OXNAD1: variants seen among roughly 807,000 people sequenced by gnomAD.
The protein encoded by OXNAD1 is oxidoreductase NAD binding domain containing 1.
A neutral mutation model predicts 32.9 loss-of-function variants in OXNAD1; 34 were observed. The ratio of observed to expected loss-of-function variants is 1.03; its 90% CI spans 0.79 to 1.38. The LOEUF (loss-of-function observed/expected upper bound fraction) is 1.38. Among genes scored for constraint, OXNAD1 ranks in the 40% most tolerant of loss-of-function variants. The pLI, the probability that OXNAD1 is intolerant of heterozygous loss-of-function variation, is 0.00. For synonymous variants in OXNAD1, 134 were observed against 135.2 expected, an observed-to-expected ratio of 0.99 and a Z score of 0.06; for missense variants, 407 against 379.4, an observed-to-expected ratio of 1.07 and a Z score of -0.60.
At position 16,277,355 on chromosome 3, in the gene OXNAD1, C is replaced by T. The variant is rs1485638178; in HGVS notation, c.183+5633C>T. On this transcript the variant is annotated intron_variant, in intron 4 of 8. Transcript: ENST00000285083. This position sits in a 1 kb window ranked among gnomAD's most constrained non-coding sequence, Gnocchi z 4.3. ...AGTATATGGTCATTAGGAACTTGCC[C>T]CAATCTCCAGAGGGTGCTCCTAGCC... Among the ~76,000 whole-genome samples, 1 of 152,124 alleles carries T rather than the reference C, an allele frequency of 6.6e-6. No homozygotes were observed. The highest frequency in any genetic ancestry group is 2.4e-5 in the African/African-American group (1 of 41,406).
intron 9 of OXNAD1, among the ~76,000 whole-genome samples, chr3:16,330,519 C>T (rs868236587): frequency 6.6e-5 from 10 of 152,200 alleles, no homozygotes; most frequent in African/African-American, 2.4e-4. Flanking sequence ...GCACCAACAA[C>T]ACTCAAAAGC....
At chr3:16,323,182 A>G (rs1410647132) in intron 9 of OXNAD1, among the ~76,000 whole-genome samples, 1 of 152,118 alleles carries the variant, frequency 6.6e-6, no homozygotes, top group East Asian at 1.9e-4. Flanking sequence ...ATGGCAGACA[A>G]GGCCCTCCAG....
chr3:16,294,202 CT>C (rs200164799), intron 5 of OXNAD1, among the ~76,000 whole-genome samples: 126 of 144,042 alleles, frequency 8.7e-4, no homozygotes, highest in East Asian at 1.0e-3. Flanking sequence ...CTGAGCCTTT[CT>C]TTTTTTTTTT....
rs1055490646 is a variant in OXNAD1, at chr3:16,342,970, C to T, written c.*31-6206C>T. Among the ~76,000 whole-genome samples, 22 of 152,110 alleles carry T rather than the reference C, an allele frequency of 1.4e-4. No homozygotes were observed. The highest frequency in any genetic ancestry group is 3.9e-4 in the East Asian group (2 of 5,192). On this transcript the variant is annotated intron_variant, in intron 9 of 9. Coordinates refer to the OXNAD1 transcript ENST00000606098. The surrounding 1 kb of genome is among the most constrained non-coding windows in gnomAD (Gnocchi z 4.0). ...GCCTCCCACTACAGCCCCTCTGAGT[C>T]GCTGGGAATACAGGCACACACCACC...
In OXNAD1 at chr3:16,290,588, C is replaced by T. The variant is rs1197245103; in HGVS notation, c.290+4140C>T. Among the ~76,000 whole-genome samples, 1 of 152,114 alleles carries T rather than the reference C, an allele frequency of 6.6e-6. No homozygotes were observed. Among genetic ancestry groups the T allele is most frequent in the African/African-American group, 2.4e-5 (1 of 41,408 alleles). ...TGGAAATAATGGAGATTTTTGTATA[C>T]CTCCTCTGTGATAGCATATAGCAAC... On this transcript the variant is annotated intron_variant, in intron 5 of 8. Coordinates refer to ENST00000285083, the MANE Select transcript of OXNAD1 (RefSeq NM_138381.5). This position sits in a 1 kb window ranked among gnomAD's most constrained non-coding sequence, Gnocchi z 4.2.
In OXNAD1 at chr3:16,316,692, A is replaced by G. The variant is rs1424092826; in HGVS notation, c.*30+13100A>G. 4.1e-6 allele frequency: 4 copies of G among 984,128 alleles called. No individual in the cohort carries two copies. The highest frequency in any genetic ancestry group is 6.2e-6 in the Non-Finnish European group (4 of 640,444). 61.0% of individuals were successfully genotyped at this position (984,128 alleles called of 1,614,324 possible). On this transcript the variant is annotated intron_variant, in intron 9 of 9. Coordinates refer to the OXNAD1 transcript ENST00000435829. This position sits in a 1 kb window ranked among gnomAD's most constrained non-coding sequence, Gnocchi z 4.5. ...ACCTGGCCCTGGGAGGGCTCAGGTG[A>G]GCTCACAAGGAGAGGTCAAGCCAAG... is the stretch of plus-strand genomic sequence containing the variant.
In OXNAD1 at chr3:16,265,770, A is replaced by G. The variant is rs1404942309; in HGVS notation, c.-159+265A>G. ...ATTTTATTAATCTTTAAACTGAGGT[A>G]CAGAGAGTTGGGCATCTTGACTAAA... On this transcript the variant is annotated intron_variant, in intron 1 of 8. Transcript: ENST00000285083. The surrounding 1 kb of genome is among the most constrained non-coding windows in gnomAD (Gnocchi z 4.8). 7.7e-6 allele frequency: 5 copies of G among 647,108 alleles called. No homozygotes were observed. The highest frequency in any genetic ancestry group is 9.6e-6 in the Non-Finnish European group (5 of 521,160). The allele number at this position is 647,108 out of a possible 1,614,324, so 40.1% of individuals were successfully genotyped here.
At position 16,316,600 on chromosome 3, in the gene OXNAD1, T is replaced by C. The variant is rs968097599; in HGVS notation, c.*30+13008T>C. 3 of 610,878 alleles carry C rather than the reference T, an allele frequency of 4.9e-6. No individual in the cohort carries two copies. Among genetic ancestry groups the C allele is most frequent in the Non-Finnish European group, 8.7e-6 (3 of 344,006 alleles). The allele number at this position is 610,878 out of a possible 1,614,324, so 37.8% of individuals were successfully genotyped here. A position where few individuals can be genotyped will look rare whatever the true frequency, so the allele number is the denominator to read the frequency against. ...TGAGGGCTAGAATAACCTGACCTCT[T>C]GCATTCTAACACTGGGTCATTAATG... On this transcript the variant is annotated intron_variant, in intron 9 of 9. Transcript: ENST00000435829. The surrounding 1 kb of genome is among the most constrained non-coding windows in gnomAD (Gnocchi z 4.5).
chr3:16,291,614 G>A (rs1011709416), intron 5 of OXNAD1, among the ~76,000 whole-genome samples: 2 of 152,170 alleles, frequency 1.3e-5, no homozygotes, highest in African/African-American at 4.8e-5. Context: ...GTATGGATAT[G>A]CCACATTTTG....
rs2070648085 is a variant in OXNAD1 at position 16,334,357 on chromosome 3, A to G, written c.*31-2755A>G. The stretch of plus-strand genomic sequence containing the variant: ...CCCTCCTGGAGAACAGTTTGACAGT[A>G]TCTTTCAAAATTACAAACACATTTT... On this transcript the variant is annotated intron_variant, in intron 9 of 9. Transcript: ENST00000435829. This position sits in a 1 kb window ranked among gnomAD's most constrained non-coding sequence, Gnocchi z 4.3. Among the ~76,000 whole-genome samples, 1 of 152,204 alleles carries G rather than the reference A, an allele frequency of 6.6e-6. No homozygotes were observed. Among genetic ancestry groups the G allele is most frequent in the Admixed American group, 6.5e-5 (1 of 15,286 alleles).
At chr3:16,267,308 A>C (rs927679767) in intron 1 of OXNAD1, among the ~76,000 whole-genome samples, 1 of 152,088 alleles carries the variant, frequency 6.6e-6, no homozygotes, top group African/African-American at 2.4e-5. Context: ...TATCCTTCCC[A>C]CAGCAACTTG....
In OXNAD1 at chr3:16,298,940, A is replaced by C. The variant is rs2066990282; in HGVS notation, c.433-2686A>C. On this transcript the variant is annotated intron_variant, in intron 6 of 8. Coordinates refer to ENST00000285083, the MANE Select transcript of OXNAD1 (RefSeq NM_138381.5). The surrounding 1 kb of genome is among the most constrained non-coding windows in gnomAD (Gnocchi z 5.1). ...CTCGCAGTTTTTATTGATCAACAAA[A>C]AGACAAAGATGGCTTTTAATTCTTC... is the stretch of plus-strand genomic sequence containing the variant. Among the ~76,000 whole-genome samples, 1 of 152,202 alleles carries C rather than the reference A, an allele frequency of 6.6e-6. No homozygotes were observed. Among genetic ancestry groups the C allele is most frequent in the South Asian group, 2.1e-4 (1 of 4,834 alleles).
In OXNAD1 at chr3:16,301,860, C is replaced by T; in HGVS notation, c.667C>T (p.Leu223=). The T allele has an allele frequency of 6.2e-7, 1 of 1,613,810 alleles. No homozygotes were observed. Among genetic ancestry groups the T allele is most frequent in the South Asian group, 1.1e-5 (1 of 91,070 alleles). ...CAGTGCAAAAAATACCAGCGAACTC[C>T]TGTTTAAGGTAAGGGAGGTATAGCT... The part of the protein sequence containing the change: ...FYSAKNTSEL[L]FKKNILDLVN... The change falls in exon 7 of 9, where the codon CTG becomes TTG. Residue 223 remains leucine, a synonymous_variant. Coordinates refer to ENST00000285083, the MANE Select transcript of OXNAD1 (RefSeq NM_138381.5). This position sits in a 1 kb window ranked among gnomAD's most constrained non-coding sequence, Gnocchi z 4.1.
In OXNAD1 at chr3:16,345,788, C is replaced by CTGTCTGTGTGTGTGTGTG. The variant is rs765619275; in HGVS notation, c.*31-3385_*31-3384insCTGTGTGTGTGTGTGTGT. ...TGAGCCAAAACCTTATAATAAATCT[C>CTGTCTGTGTGTGTGTGTG]TGTGTGTGTGTGTGTGTGTGTGTGT... On this transcript the variant is annotated intron_variant, in intron 9 of 9. Coordinates refer to the OXNAD1 transcript ENST00000606098. The surrounding 1 kb of genome is among the most constrained non-coding windows in gnomAD (Gnocchi z 5.2). 1.5e-4 allele frequency among the ~76,000 whole-genome samples: 19 copies of CTGTCTGTGTGTGTGTGTG among 127,240 alleles called. No homozygotes were observed. Among genetic ancestry groups the CTGTCTGTGTGTGTGTGTG allele is most frequent in the East Asian group, 4.4e-4 (2 of 4,528 alleles). 83.5% of individuals were successfully genotyped at this position (127,240 alleles called of 152,430 possible).
At chr3:16,325,564 TGA>T (rs1419905443) in intron 9 of OXNAD1, among the ~76,000 whole-genome samples, 1 of 152,208 alleles carries the variant, frequency 6.6e-6, no homozygotes, top group Non-Finnish European at 1.5e-5. Flanking sequence ...AGTGGCAGAC[TGA>T]AGACTTGGGT....
downstream of OXNAD1, among the ~76,000 whole-genome samples, chr3:16,340,972 C>T (rs1033617547): frequency 3.3e-4 from 51 of 152,266 alleles, no homozygotes; most frequent in African/African-American, 1.2e-3. Context: ...AGACAACAAA[C>T]AACCCAATTT....
In OXNAD1 at chr3:16,314,938, A is replaced by C. The variant is rs1324833472; in HGVS notation, c.*30+11346A>C. On this transcript the variant is annotated intron_variant, in intron 9 of 9. Coordinates refer to the OXNAD1 transcript ENST00000435829. This position sits in a 1 kb window ranked among gnomAD's most constrained non-coding sequence, Gnocchi z 4.4. ...TATTAAATCAAAATGCTGTATAGAC[A>C]TTGACTTAGTTGTGGAAAATGTCAT... 1 of 152,214 alleles carries C rather than the reference A, an allele frequency of 6.6e-6. No individual in the cohort carries two copies. Among genetic ancestry groups the C allele is most frequent in the Non-Finnish European group, 1.5e-5 (1 of 68,040 alleles). 9.4% of individuals were successfully genotyped at this position (152,214 alleles called of 1,614,324 possible). A position where few individuals can be genotyped will look rare whatever the true frequency, so the allele number is the denominator to read the frequency against.
chr3:16,311,803 A>G (rs1045261818), intron 9 of OXNAD1, among the ~76,000 whole-genome samples: 12 of 152,154 alleles, frequency 7.9e-5, no homozygotes, highest in African/African-American at 2.7e-4. Context: ...AAAAAATGCA[A>G]ATCTGATGTC....
intron 1 of OXNAD1, among the ~76,000 whole-genome samples, chr3:16,266,277 A>G (rs2064491815): frequency 6.6e-6 from 1 of 152,220 alleles, no homozygotes; most frequent in African/African-American, 2.4e-5. Flanking sequence ...GATATATAAC[A>G]TTTAGTTTAC....
Sources: gnomAD v4.1 joint callset for allele counts (sites outside exome capture counted in the v4.1 genomes callset) on GRCh38, gnomAD v4.1.1 for gene constraint, Gnocchi (gnomAD v3.1) non-coding constraint, MANE v1.5 for transcripts, NCBI Gene and HGNC (gene_info 2026-07-23, HGNC 2026-07-21) for gene names.